Variants in CACNA1D observed in about 807,000 individuals in gnomAD.
CACNA1D encodes voltage-dependent L-type calcium channel subunit alpha-1D.
Under a neutral mutation model 257.1 loss-of-function variants are expected in CACNA1D, and 55 were observed. The observed-to-expected ratio is 0.21, with a 90% CI of 0.17 to 0.27. The LOEUF (loss-of-function observed/expected upper bound fraction) is 0.27. Among genes scored for constraint, CACNA1D ranks in the 10% least tolerant of loss-of-function variants. CACNA1D has a pLI of 1.00. For synonymous variants in CACNA1D, 980 were observed against 1,014.9 expected (o/e 0.97, Z 0.65); for missense variants, 1,876 against 2,784.0 (o/e 0.67, Z 7.34).
intron 35 of CACNA1D, 141 bp downstream of exon 35, chr3:53,776,186 G>A: frequency 2.4e-6 from 2 of 817,704 alleles, no homozygotes; most frequent in Admixed American, 1.9e-5. Flanking sequence ...TGGCAGTTGA[G>A]GGCTTTTGTT....
In CACNA1D at chr3:53,776,158, A is replaced by G. The variant is rs7612547; in HGVS notation, c.4362+113A>G. ...CGCCTGAGGACAATTGATGTGGATG[A>G]GCACTCTGGACTCCACTTGGCAGTT... On this transcript the variant is annotated intron_variant, in intron 35 of 47. Coordinates refer to ENST00000350061, the MANE Select transcript of CACNA1D (RefSeq NM_001128840.3). The G allele has an allele frequency of 1.9e-3, 1,888 of 985,392 alleles. 34 individuals carry two copies. In the African/African-American group the frequency reaches 0.027, roughly 14 times the overall value. 61.0% of individuals were successfully genotyped at this position (985,392 alleles called of 1,614,324 possible).
intron 45 of CACNA1D, among the ~76,000 whole-genome samples, chr3:53,805,948 A>C (rs1242692672): frequency 1.5e-3 from 72 of 48,824 alleles, no homozygotes; most frequent in Middle Eastern, 0.021. Context: ...CTCCTCCCTC[A>C]TCTTCCCTCC....
At chr3:53,809,943 AC>A (rs2095587539) in intron 46 of CACNA1D, 34 bp from the exon 47 acceptor site, 2 of 1,602,344 alleles carry the variant, frequency 1.2e-6, no homozygotes, top group Admixed American at 1.7e-5. Flanking sequence ...ACCTCTGAGA[AC>A]CTCTGGTCTC....
chr3:53,645,705 G>A (rs1023394967), intron 3 of CACNA1D, among the ~76,000 whole-genome samples: 4 of 152,304 alleles, frequency 2.6e-5, no homozygotes, highest in Middle Eastern at 3.4e-3. Flanking sequence ...AATTACGGCT[G>A]TGGAAAAGTA....
rs1267939020 is a variant in CACNA1D, at chr3:53,494,696, C to A, written c.-471C>A. 5 of 145,302 alleles carry A rather than the reference C, an allele frequency of 3.4e-5. No individual in the cohort carries two copies. Among genetic ancestry groups the A allele is most frequent in the South Asian group, 1.8e-4 (1 of 5,450 alleles). The allele number at this position is 145,302 out of a possible 1,614,324, so 9.0% of individuals were successfully genotyped here. ...TCCCCGGATGTGAGCTCCGGCTGCC[C>A]GCGGTCCCGAGCCAGCGGCGGCGCG... is the stretch of plus-strand genomic sequence containing the variant. On this transcript the variant is annotated 5_prime_UTR_variant, in exon 1 of 48. Transcript: ENST00000350061.
At chr3:53,567,039 C>A (rs2092855486) in intron 3 of CACNA1D, among the ~76,000 whole-genome samples, 3 of 152,222 alleles carry the variant, frequency 2.0e-5, no homozygotes. Context: ...TAAGCAAACT[C>A]CTGGCCCAAC....
At chr3:53,749,021 C>T in intron 26 of CACNA1D, 3 of 633,324 alleles carry the variant, frequency 4.7e-6, no homozygotes, top group Non-Finnish European at 8.6e-6. Flanking sequence ...TTTGTGAAAT[C>T]TTTTGATTTT....
At chr3:53,795,166 A>G (rs2095502101) in intron 40 of CACNA1D, among the ~76,000 whole-genome samples, 2 of 152,188 alleles carry the variant, frequency 1.3e-5, no homozygotes, top group African/African-American at 4.8e-5. Context: ...TGTTTTTAAA[A>G]ATCAGCTCCC....
At chr3:53,737,849 A>C (rs944592484) in intron 20 of CACNA1D, among the ~76,000 whole-genome samples, 4 of 152,196 alleles carry the variant, frequency 2.6e-5, no homozygotes, top group Admixed American at 2.0e-4. Flanking sequence ...CAAAAATACA[A>C]GCAAGTCAAG....
chr3:53,647,553 A>G (rs2094035314), intron 3 of CACNA1D, among the ~76,000 whole-genome samples: 1 of 152,184 alleles, frequency 6.6e-6, no homozygotes, highest in African/African-American at 2.4e-5. Context: ...GGCTGGGCCC[A>G]CAGTCCCACC....
intron 19 of CACNA1D, among the ~76,000 whole-genome samples, chr3:53,733,205 C>T (rs2095016874): frequency 6.6e-6 from 1 of 152,236 alleles, no homozygotes. Flanking sequence ...CTGGGAGGAG[C>T]TCCATTCTAG....
rs779236953 is a variant in CACNA1D at position 53,718,704 on chromosome 3, G to A, written c.1478+316G>A. On this transcript the variant is annotated intron_variant, in intron 10 of 47. Coordinates refer to ENST00000350061, the MANE Select transcript of CACNA1D (RefSeq NM_001128840.3). The stretch of plus-strand genomic sequence containing the variant: ...TAGGTGCTGGTGGAGACGGAGAGGC[G>A]CGGCCAAGGCGGGGCCCTCTGGGTG... 2.4e-5 allele frequency: 37 copies of A among 1,558,958 alleles called. No homozygotes were observed. The highest frequency in any genetic ancestry group is 3.4e-4 in the Middle Eastern group (2 of 5,958).
Position 53,563,397 on chromosome 3 carries a change from G to A in CACNA1D, c.483+61677G>A, listed in dbSNP as rs769028728. ...AAAGTAACCAGGCGTGGTCGTGGGC[G>A]CCTGTAGTCCCAGCTACTTGGGAGG... On this transcript the variant is annotated intron_variant, in intron 3 of 47. Coordinates refer to ENST00000350061, the MANE Select transcript of CACNA1D (RefSeq NM_001128840.3). Among the ~76,000 whole-genome samples, 14 of 152,118 alleles carry A rather than the reference G, an allele frequency of 9.2e-5. No homozygotes were observed. The South Asian group carries it at 1.0e-3, about 11-fold the overall frequency.
intron 3 of CACNA1D, among the ~76,000 whole-genome samples, chr3:53,579,918 TG>T (rs778310687): frequency 3.0e-4 from 46 of 152,378 alleles, no homozygotes; most frequent in Non-Finnish European, 6.0e-4. Context: ...AGGAAGCCGC[TG>T]ATGGCCAGTG....
chr3:53,507,072 C>CAAAAAAAAAAAAAAAAAAA (rs781421977), intron 3 of CACNA1D, among the ~76,000 whole-genome samples: 1 of 56,700 alleles, frequency 1.8e-5, no homozygotes, highest in Non-Finnish European at 3.4e-5. Flanking sequence ...GACTCTATCT[C>CAAAAAAAAAAAAAAAAAAA]AAAAAAAAAA....
chr3:53,628,541 G>A (rs551765663), intron 3 of CACNA1D, among the ~76,000 whole-genome samples: 1 of 152,228 alleles, frequency 6.6e-6, no homozygotes, highest in African/African-American at 2.4e-5. Context: ...TAGTCTTGTA[G>A]GAACTTTGGT....
chr3:53,606,856 T>C (rs2093517408), intron 3 of CACNA1D, among the ~76,000 whole-genome samples: 1 of 152,216 alleles, frequency 6.6e-6, no homozygotes, highest in South Asian at 2.1e-4. Context: ...CAAACACTGA[T>C]CTGCTTTTTA....
At chr3:53,747,969 T>G (rs1054424195) in intron 26 of CACNA1D, among the ~76,000 whole-genome samples, 1 of 152,250 alleles carries the variant, frequency 6.6e-6, no homozygotes, top group African/African-American at 2.4e-5. Context: ...CGTGCTTAGA[T>G]ACCAGCTCTG....
At chr3:53,784,905 T>G (rs2095444813) in intron 39 of CACNA1D, among the ~76,000 whole-genome samples, 1 of 152,132 alleles carries the variant, frequency 6.6e-6, no homozygotes, top group Non-Finnish European at 1.5e-5. Context: ...GATCCCAGAC[T>G]CAAGGAGCAC....
Sources: gnomAD v4.1 joint callset for allele counts (sites outside exome capture counted in the v4.1 genomes callset) on GRCh38, gnomAD v4.1.1 for gene constraint, MANE v1.5 for transcripts, NCBI Gene and HGNC (gene_info 2026-07-23, HGNC 2026-07-21) for gene names.